FARP1: variants seen among roughly 807,000 people sequenced by gnomAD.
FARP1 encodes FERM, ARHGEF and pleckstrin domain-containing protein 1.
FARP1 carries 52 observed loss-of-function variants against 128.8 expected under a neutral mutation model. That is an observed-to-expected ratio of 0.40 (90% CI 0.32 to 0.51). The LOEUF (loss-of-function observed/expected upper bound fraction) is 0.51. Ranked by LOEUF, FARP1 falls within the 20% of genes least tolerant of loss-of-function variation. The pLI, the probability that FARP1 is intolerant of heterozygous loss-of-function variation, is 0.45. For synonymous variants in FARP1, 580 were observed against 551.8 expected, an observed-to-expected ratio of 1.05 and a Z score of -0.72; for missense variants, 1,333 against 1,367.9, an observed-to-expected ratio of 0.97 and a Z score of 0.40.
intron 1 of FARP1, among the ~76,000 whole-genome samples, chr13:98,210,488 TCCTC>T (rs1295915281): frequency 6.6e-6 from 1 of 151,666 alleles, no homozygotes; most frequent in African/African-American, 2.4e-5. Flanking sequence ...CCCTCCTACT[TCCTC>T]CCTTCTGCCC....
chr13:98,236,823 A>G (rs1882448013), intron 2 of FARP1, among the ~76,000 whole-genome samples: 1 of 151,092 alleles, frequency 6.6e-6, no homozygotes, highest in Admixed American at 6.6e-5. Flanking sequence ...CCCCATCTCT[A>G]CTAAAAATAC....
At position 98,177,097 on chromosome 13, in the gene FARP1, C is replaced by T. The variant is rs757362220; in HGVS notation, c.-24+33605C>T. On this transcript the variant is annotated intron_variant, in intron 1 of 26. Transcript: ENST00000319562. The stretch of plus-strand genomic sequence containing the variant: ...TGTGTCGCCCTCGTCCCCGCTGCTG[C>T]TGCTCTCTCCGTGCTCGGGGTCGCA... The T allele has an allele frequency of 5.4e-5, 86 of 1,600,020 alleles. No individual in the cohort carries two copies. The South Asian group carries it at 8.9e-4, about 17-fold the overall frequency.
At chr13:98,231,787 A>C (rs184241527) in intron 2 of FARP1, among the ~76,000 whole-genome samples, 230 of 152,248 alleles carry the variant, frequency 1.5e-3, no homozygotes, top group Non-Finnish European at 2.7e-3. Flanking sequence ...TTCCTCATAG[A>C]GAATAAAATA....
chr13:98,289,645 CAG>C (rs964050549), intron 2 of FARP1, among the ~76,000 whole-genome samples: 1 of 152,162 alleles, frequency 6.6e-6, no homozygotes, highest in African/African-American at 2.4e-5. Flanking sequence ...TCTCGATACA[CAG>C]ATGCTCAGAG....
intron 1 of FARP1, among the ~76,000 whole-genome samples, chr13:98,183,056 A>G (rs1878635570): frequency 6.6e-6 from 1 of 152,160 alleles, no homozygotes; most frequent in Admixed American, 6.5e-5. Context: ...ATATTTTTGC[A>G]TATATTTTGA....
intron 2 of FARP1, among the ~76,000 whole-genome samples, chr13:98,316,603 G>T (rs1486937668): frequency 1.3e-5 from 2 of 152,158 alleles, no homozygotes; most frequent in African/African-American, 2.4e-5. Context: ...CTTTCGCCTT[G>T]GGGGTCTCCC....
intron 1 of FARP1, among the ~76,000 whole-genome samples, chr13:98,151,696 G>A (rs1341765702): frequency 2.8e-5 from 2 of 71,804 alleles, no homozygotes; most frequent in African/African-American, 8.7e-5. Context: ...GAGTCTTGCT[G>A]TGTCACCCAG....
chr13:98,343,597 G>A (rs1594425123), intron 2 of FARP1, among the ~76,000 whole-genome samples, 165 bp from the exon 3 acceptor site: 5 of 152,208 alleles, frequency 3.3e-5, no homozygotes, highest in South Asian at 4.1e-4. Context: ...GCTGGGATAC[G>A]GAGGTGTAGA....
chr13:98,448,995 T>C lies in FARP1; in HGVS notation c.*678T>C, dbSNP rs774535536. 1 of 152,140 alleles carries C rather than the reference T, an allele frequency of 6.6e-6. No individual in the cohort carries two copies. The highest frequency in any genetic ancestry group is 1.5e-5 in the Non-Finnish European group (1 of 68,050). The allele number at this position is 152,140 out of a possible 1,614,324, so 9.4% of individuals were successfully genotyped here. ...TTTAAGTGGTAACTCTTTCCAACCG[T>C]AGCAGGGTTGTTTTCTGTTAAGCAA... On this transcript the variant is annotated 3_prime_UTR_variant, in exon 27 of 27. Coordinates refer to ENST00000319562, the MANE Select transcript of FARP1 (RefSeq NM_005766.4).
rs56030081 is a variant in FARP1 at position 98,309,153 on chromosome 13, C to CTTTTTTTTTTTTTTTTTTT, written c.172-34597_172-34579dup. On this transcript the variant is annotated intron_variant, in intron 2 of 26. Coordinates refer to ENST00000319562, the MANE Select transcript of FARP1 (RefSeq NM_005766.4). ...TATATTAATATTAATTTTAAGAGGC[C>CTTTTTTTTTTTTTTTTTTT]TTTTTTTTTTTTTTTTTTTTTTTTT... is the stretch of plus-strand genomic sequence containing the variant. Among the ~76,000 whole-genome samples, 29 of 89,670 alleles carry CTTTTTTTTTTTTTTTTTTT rather than the reference C, an allele frequency of 3.2e-4. 12 individuals are homozygous for CTTTTTTTTTTTTTTTTTTT. The highest frequency in any genetic ancestry group is 5.7e-4 in the Admixed American group (4 of 6,976). 58.8% of individuals were successfully genotyped at this position (89,670 alleles called of 152,430 possible). A position where few individuals can be genotyped will look rare whatever the true frequency, so the allele number is the denominator to read the frequency against.
chr13:98,230,885 T>C (rs1882071034), intron 2 of FARP1, among the ~76,000 whole-genome samples: 1 of 152,190 alleles, frequency 6.6e-6, no homozygotes, highest in South Asian at 2.1e-4. Context: ...AGAGGTTTAA[T>C]GGACTCACAG....
At chr13:98,191,490 A>G (rs531439251) in intron 1 of FARP1, among the ~76,000 whole-genome samples, 2 of 152,232 alleles carry the variant, frequency 1.3e-5, no homozygotes, top group Non-Finnish European at 2.9e-5. Flanking sequence ...TCAATATGAG[A>G]GTAAATATTT....
chr13:98,181,650 G>A (rs1878535578), intron 1 of FARP1, among the ~76,000 whole-genome samples: 1 of 149,328 alleles, frequency 6.7e-6, no homozygotes, highest in South Asian at 2.2e-4. Context: ...ATTTGAGAGA[G>A]AGAGAGAGAG....
chr13:98,290,609 C>T (rs1375539037), intron 2 of FARP1, among the ~76,000 whole-genome samples: 2 of 151,994 alleles, frequency 1.3e-5, no homozygotes, highest in Non-Finnish European at 2.9e-5. Flanking sequence ...TTCTGAAGGA[C>T]GGATCTGACC....
At chr13:98,258,390 G>C (rs1883714708) in intron 2 of FARP1, among the ~76,000 whole-genome samples, 1 of 152,216 alleles carries the variant, frequency 6.6e-6, no homozygotes, top group Non-Finnish European at 1.5e-5. Context: ...AATATTTAGA[G>C]TTTATGCAAT....
intron 3 of FARP1, among the ~76,000 whole-genome samples, chr13:98,353,274 G>A (rs952407525): frequency 6.6e-5 from 10 of 152,152 alleles, no homozygotes; most frequent in Non-Finnish European, 1.3e-4. Flanking sequence ...AGTTCAGTTT[G>A]GAAGGAGTTG....
At chr13:98,192,682 C>T (rs138992117) in intron 1 of FARP1, among the ~76,000 whole-genome samples, 6 of 152,196 alleles carry the variant, frequency 3.9e-5, no homozygotes, top group Non-Finnish European at 5.9e-5. Context: ...TGAGTCACTG[C>T]GCCCGGCTGA....
intron 2 of FARP1, among the ~76,000 whole-genome samples, chr13:98,267,767 G>C (rs114020644): frequency 0.011 from 1,613 of 152,238 alleles, 37 homozygotes; most frequent in African/African-American, 0.037. Context: ...GGACGTGCTG[G>C]GTTCCTGGGG....
intron 3 of FARP1, among the ~76,000 whole-genome samples, chr13:98,349,890 C>T (rs566789510): frequency 3.5e-4 from 53 of 152,172 alleles, no homozygotes; most frequent in Non-Finnish European, 6.2e-4. Context: ...CCGGGGATGA[C>T]GGGCATCCCT....
Sources: gnomAD v4.1 joint callset for allele counts (sites outside exome capture counted in the v4.1 genomes callset) on GRCh38, gnomAD v4.1.1 for gene constraint, MANE v1.5 for transcripts, NCBI Gene and HGNC (gene_info 2026-07-23, HGNC 2026-07-21) for gene names.